ARID4B: variants seen among roughly 807,000 people sequenced by gnomAD.
ARID4B encodes AT-rich interaction domain 4B.
Under a neutral mutation model 147.5 loss-of-function variants are expected in ARID4B, and 26 were observed. The observed-to-expected ratio is 0.18, with a 90% CI of 0.13 to 0.24. The LOEUF (loss-of-function observed/expected upper bound fraction) is 0.24, where lower values mean the gene tolerates loss of function less well. Among genes scored for constraint, ARID4B ranks in the 10% least tolerant of loss-of-function variants. The probability of loss-of-function intolerance (pLI) is 1.00; values close to 1 mark genes in which losing one functional copy is unlikely to be tolerated. For synonymous variants in ARID4B, 512 were observed against 507.9 expected, an observed-to-expected ratio of 1.01 and a Z score of -0.11; for missense variants, 1,179 against 1,511.5, an observed-to-expected ratio of 0.78 and a Z score of 3.65.
chr1:235,185,140 T>C (rs1250341650), intron 19 of ARID4B, among the ~76,000 whole-genome samples: 1 of 152,210 alleles, frequency 6.6e-6, no homozygotes. Flanking sequence ...ATAAAGTTTA[T>C]CCTCTATGAG....
chr1:235,263,823 T>TA (rs539952097), intron 2 of ARID4B, among the ~76,000 whole-genome samples: 6,277 of 143,498 alleles, frequency 0.044, 444 homozygotes, highest in African/African-American at 0.14. Flanking sequence ...CCGTCTCTAC[T>TA]AAAAAAAAAA....
At chr1:235,210,211 C>A (rs1204567915) in intron 17 of ARID4B, among the ~76,000 whole-genome samples, 1 of 151,974 alleles carries the variant, frequency 6.6e-6, no homozygotes, top group Non-Finnish European at 1.5e-5. Context: ...GGTGACAGAA[C>A]AAGGTCCTGT....
chr1:235,169,500 C>A (rs1240224083), intron 23 of ARID4B, among the ~76,000 whole-genome samples: 2 of 151,464 alleles, frequency 1.3e-5, no homozygotes, highest in East Asian at 3.9e-4. Flanking sequence ...CTCAGCCTCC[C>A]AAAATGCCGG....
chr1:235,232,093 C>A (rs1241606705), intron 9 of ARID4B, among the ~76,000 whole-genome samples: 3 of 152,026 alleles, frequency 2.0e-5, no homozygotes, highest in South Asian at 4.2e-4. Flanking sequence ...TGCACTCTAG[C>A]GTAGGCAACA....
At chr1:235,174,615 A>G (rs1241845697) in intron 22 of ARID4B, among the ~76,000 whole-genome samples, 1 of 151,764 alleles carries the variant, frequency 6.6e-6, no homozygotes, top group East Asian at 2.0e-4. Flanking sequence ...AGCCTGGCCA[A>G]CATGGTGAAA....
intron 23 of ARID4B, 71 bp from the exon 24 acceptor site, chr1:235,168,723 T>G: frequency 6.7e-7 from 1 of 1,488,036 alleles, no homozygotes; most frequent in Non-Finnish European, 9.1e-7. Flanking sequence ...AAAATACTAG[T>G]CCTCTGAACT....
At chr1:235,291,123 G>A (rs753241302) in intron 2 of ARID4B, among the ~76,000 whole-genome samples, 8 of 152,196 alleles carry the variant, frequency 5.3e-5, no homozygotes, top group Non-Finnish European at 1.2e-4. Context: ...TAGGCCAGGC[G>A]TGGTGGCTCA....
intron 2 of ARID4B, among the ~76,000 whole-genome samples, chr1:235,294,948 C>CTT (rs1179962952): frequency 6.6e-6 from 1 of 151,484 alleles, no homozygotes; most frequent in Admixed American, 6.6e-5. Flanking sequence ...CAACTGCTGA[C>CTT]ATAAATACAC....
At chr1:235,276,654 CCTGT>C (rs57083108) in intron 2 of ARID4B, among the ~76,000 whole-genome samples, 6,193 of 151,772 alleles carry the variant, frequency 0.041, 461 homozygotes, top group African/African-American at 0.14. Flanking sequence ...ACAGCAAGAC[CCTGT>C]CTCTTTAAAA....
At chr1:235,296,592 G>C (rs2103228949) in intron 2 of ARID4B, among the ~76,000 whole-genome samples, 1 of 151,412 alleles carries the variant, frequency 6.6e-6, no homozygotes, top group African/African-American at 2.4e-5. Context: ...CAAGTAGTTG[G>C]GACTATAGGC....
chr1:235,206,244 A>T (rs575905910), intron 17 of ARID4B, among the ~76,000 whole-genome samples: 2 of 152,356 alleles, frequency 1.3e-5, no homozygotes, highest in South Asian at 4.1e-4. Flanking sequence ...TTTAAAATTA[A>T]GTTCACTTTT....
intron 3 of ARID4B, 118 bp downstream of exon 3, chr1:235,260,524 T>C: frequency 1.6e-6 from 1 of 636,682 alleles, no homozygotes; most frequent in Non-Finnish European, 2.5e-6. Flanking sequence ...TTGAGGTATT[T>C]TTACAACCTT....
intron 17 of ARID4B, among the ~76,000 whole-genome samples, chr1:235,203,744 T>C (rs1482004433): frequency 6.6e-6 from 1 of 152,122 alleles, no homozygotes; most frequent in Admixed American, 6.6e-5. Flanking sequence ...TGTCTTAGTA[T>C]GGAAAGGGAT....
intron 17 of ARID4B, among the ~76,000 whole-genome samples, chr1:235,197,150 G>A (rs370549152): frequency 1.2e-4 from 18 of 151,808 alleles, no homozygotes; most frequent in African/African-American, 3.1e-4. Flanking sequence ...CAGTTTATTC[G>A]TTCTTCATTC....
intron 2 of ARID4B, among the ~76,000 whole-genome samples, chr1:235,268,370 T>TACACAC (rs34759406): frequency 3.7e-4 from 56 of 150,148 alleles, no homozygotes; most frequent in African/African-American, 1.3e-3. Flanking sequence ...TATATATACA[T>TACACAC]ACACACACAC....
At chr1:235,197,533 T>C (rs1001470474) in intron 17 of ARID4B, among the ~76,000 whole-genome samples, 6 of 152,190 alleles carry the variant, frequency 3.9e-5, no homozygotes, top group Admixed American at 3.9e-4. Flanking sequence ...GTTCTGTTTA[T>C]ATGCTGGAAG....
At chr1:235,288,476 A>G (rs1001023264) in intron 2 of ARID4B, among the ~76,000 whole-genome samples, 10 of 152,218 alleles carry the variant, frequency 6.6e-5, no homozygotes, top group Admixed American at 6.5e-4. Flanking sequence ...CATAACTGGT[A>G]CTACATTTAA....
intron 2 of ARID4B, among the ~76,000 whole-genome samples, chr1:235,284,870 C>T (rs1480868908): frequency 6.6e-6 from 1 of 151,778 alleles, no homozygotes; most frequent in African/African-American, 2.4e-5. Context: ...CTCTACAGAC[C>T]AATATCCCTC....
intron 2 of ARID4B, among the ~76,000 whole-genome samples, chr1:235,295,042 C>T (rs557761548): frequency 6.6e-6 from 1 of 151,164 alleles, no homozygotes; most frequent in African/African-American, 2.4e-5. Flanking sequence ...ATTTTATTTT[C>T]ATTTAAAAAG....
Sources: allele counts gnomAD v4.1 joint callset (sites outside exome capture counted in the v4.1 genomes callset), GRCh38; gene constraint gnomAD v4.1.1; transcripts MANE v1.5; gene names NCBI Gene and HGNC (gene_info 2026-07-23, HGNC 2026-07-21).